The following GAS2 variants were observed in gnomAD, a reference collection of about 807,000 sequenced individuals.
GAS2 encodes the protein growth arrest specific 2, also known as growth arrest-specific protein 2.
A neutral mutation model predicts 37.5 loss-of-function variants in GAS2; 20 were observed. The ratio of observed to expected loss-of-function variants is 0.53; its 90% CI spans 0.37 to 0.77. GAS2 has a LOEUF of 0.77. GAS2 is among the 30% of genes least tolerant of loss of function. The pLI is 0.00. For missense variants in GAS2, 336 were observed against 373.4 expected (o/e 0.90, Z 0.82); for synonymous variants, 144 against 132.2 (o/e 1.09, Z -0.61).
At chr11:22,800,325 C>G (rs1350329013) in intron 7 of GAS2, among the ~76,000 whole-genome samples, 1 of 152,012 alleles carries the variant, frequency 6.6e-6, no homozygotes, top group Non-Finnish European at 1.5e-5. Flanking sequence ...CTCCCCTTAC[C>G]CCTACTACTT....
intron 7 of GAS2, among the ~76,000 whole-genome samples, chr11:22,780,072 T>C (rs1855475787): frequency 2.0e-5 from 3 of 152,248 alleles, no homozygotes; most frequent in African/African-American, 7.2e-5. Flanking sequence ...GCGTAGTATA[T>C]ACGAGTTGCT....
At chr11:22,671,512 T>C (rs764031869) in intron 1 of GAS2, among the ~76,000 whole-genome samples, 1 of 152,138 alleles carries the variant, frequency 6.6e-6, no homozygotes, top group Non-Finnish European at 1.5e-5. Flanking sequence ...AAAAAGTTTT[T>C]CTTTCTCCCT....
intron 1 of GAS2, among the ~76,000 whole-genome samples, chr11:22,660,825 A>G (rs1202829765): frequency 6.6e-6 from 1 of 152,162 alleles, no homozygotes. Context: ...ACTGACACTG[A>G]CCCTATTCCC....
chr11:22,759,775 C>A (rs1236144760), intron 7 of GAS2, among the ~76,000 whole-genome samples: 1 of 152,140 alleles, frequency 6.6e-6, no homozygotes, highest in East Asian at 1.9e-4. Context: ...ATAGGTGGAT[C>A]TCAGGACTAA....
intron 7 of GAS2, among the ~76,000 whole-genome samples, chr11:22,757,202 A>G (rs868690953): frequency 7.1e-4 from 108 of 152,242 alleles, no homozygotes; most frequent in African/African-American, 2.5e-3. Context: ...TCAAAAATAT[A>G]TATTACATAT....
At chr11:22,636,925 A>C (rs967207747) in intron 1 of GAS2, among the ~76,000 whole-genome samples, 4 of 134,994 alleles carry the variant, frequency 3.0e-5, no homozygotes, top group Non-Finnish European at 4.8e-5. Flanking sequence ...TAAAATATTT[A>C]TATTAATAAT....
intron 3 of GAS2, among the ~76,000 whole-genome samples, chr11:22,710,773 A>G (rs1236918786): frequency 6.6e-6 from 1 of 152,154 alleles, no homozygotes; most frequent in East Asian, 1.9e-4. Context: ...GCTGTGACTT[A>G]AGGGTTTCCA....
intron 2 of GAS2, among the ~76,000 whole-genome samples, chr11:22,681,749 C>G (rs1458078378): frequency 2.0e-5 from 3 of 152,016 alleles, no homozygotes; most frequent in Non-Finnish European, 4.4e-5. Flanking sequence ...CTTTGTATGA[C>G]TTTTACTTGA....
At chr11:22,643,277 G>T (rs939562006) in intron 1 of GAS2, among the ~76,000 whole-genome samples, 13 of 151,952 alleles carry the variant, frequency 8.6e-5, no homozygotes, top group Admixed American at 7.9e-4. Flanking sequence ...ATTTAAGCAA[G>T]AAATTATCCT....
intron 1 of GAS2, among the ~76,000 whole-genome samples, chr11:22,637,272 A>ATTAATAGTATACTAAAATATTAATTATC: frequency 2.1e-5 from 1 of 48,624 alleles, no homozygotes; most frequent in South Asian, 7.2e-4. Context: ...TATTAATTAT[A>ATTAATAGTATACTAAAATATTAATTATC]TTAATAGTAT....
chr11:22,715,115 T>C (rs749709871), intron 3 of GAS2, among the ~76,000 whole-genome samples: 62 of 152,144 alleles, frequency 4.1e-4, no homozygotes, highest in Non-Finnish European at 7.6e-4. Context: ...GATAGACTGT[T>C]AATGAGATTA....
At chr11:22,638,177 A>G (rs144419805) in intron 1 of GAS2, among the ~76,000 whole-genome samples, 245 of 152,096 alleles carry the variant, frequency 1.6e-3, no homozygotes, top group Non-Finnish European at 2.6e-3. Context: ...TAACATCTTT[A>G]TGGGCTGTGG....
intron 7 of GAS2, among the ~76,000 whole-genome samples, chr11:22,790,102 A>G (rs1032078666): frequency 1.3e-5 from 2 of 152,120 alleles, no homozygotes; most frequent in African/African-American, 4.8e-5. Context: ...TGTTACAGCC[A>G]ATGGCATGAT....
rs1000618024 is a variant in GAS2, at chr11:22,671,339, G to A, written c.-20-3511G>A. Among the ~76,000 whole-genome samples, 16 of 151,990 alleles carry A rather than the reference G, an allele frequency of 1.1e-4. 1 individual carries two copies. The highest frequency in any genetic ancestry group is 2.9e-4 in the African/African-American group (12 of 41,404). On this transcript the variant is annotated intron_variant, in intron 1 of 7. Coordinates refer to ENST00000454584, the MANE Select transcript of GAS2 (RefSeq NM_001143830.3). The stretch of plus-strand genomic sequence containing the variant: ...GTTGGTTATCCATTTTAGGTAGACC[G>A]AGAAAGCTTGGAGGAGCCATAGAAG...
intron 1 of GAS2, among the ~76,000 whole-genome samples, chr11:22,637,844 C>G (rs1252044533): frequency 6.7e-6 from 1 of 149,330 alleles, no homozygotes; most frequent in African/African-American, 2.5e-5. Context: ...AAGCCCAAAG[C>G]TGCCACAGAT....
Position 22,726,438 on chromosome 11 carries a change from G to A in GAS2, c.409+5G>A. 1 of 1,606,130 alleles carries A rather than the reference G, an allele frequency of 6.2e-7. No individual in the cohort carries two copies. Among genetic ancestry groups the A allele is most frequent in the Non-Finnish European group, 8.5e-7 (1 of 1,176,604 alleles). On this transcript the variant is annotated splice_donor_5th_base_variant and intron_variant, in intron 4 of 7. Coordinates refer to ENST00000454584, the MANE Select transcript of GAS2 (RefSeq NM_001143830.3). ...TATTTGAATCGGAAGGTTTGGGTATGTATTAACTTCAGAATTTTAGTTGAT... is the reference window on the plus strand; with the variant it reads ...TATTTGAATCGGAAGGTTTGGGTATATATTAACTTCAGAATTTTAGTTGAT...
chr11:22,651,640 A>T (rs1208602902), intron 1 of GAS2, among the ~76,000 whole-genome samples: 1 of 151,738 alleles, frequency 6.6e-6, no homozygotes, highest in African/African-American at 2.4e-5. Flanking sequence ...TTTTCTCTAA[A>T]CTTCCCTTCT....
At chr11:22,775,380 A>G (rs1039485175) in intron 7 of GAS2, among the ~76,000 whole-genome samples, 1 of 152,114 alleles carries the variant, frequency 6.6e-6, no homozygotes, top group African/African-American at 2.4e-5. Context: ...GTGTGAGGCT[A>G]TCTTGTGTCT....
intron 3 of GAS2, among the ~76,000 whole-genome samples, chr11:22,722,550 A>T (rs1438699307): frequency 6.6e-6 from 1 of 151,892 alleles, no homozygotes; most frequent in Non-Finnish European, 1.5e-5. Flanking sequence ...GTTCAGCTTG[A>T]CTGTTTTCTA....
Sources: allele counts gnomAD v4.1 joint callset (sites outside exome capture counted in the v4.1 genomes callset), GRCh38; gene constraint gnomAD v4.1.1; transcripts MANE v1.5; gene names NCBI Gene and HGNC (gene_info 2026-07-23, HGNC 2026-07-21).